Variants in PCSK5 observed in about 807,000 individuals in gnomAD.
PCSK5 encodes the protein proprotein convertase subtilisin/kexin type 5.
Under a neutral mutation model 233.2 loss-of-function variants are expected in PCSK5, and 129 were observed. The observed-to-expected ratio is 0.55, with a 90% CI of 0.48 to 0.64. PCSK5 has a LOEUF of 0.64. PCSK5 is among the 30% of genes least tolerant of loss of function. The pLI is 0.00. For missense variants in PCSK5, 2,076 were observed against 2,430.1 expected, an observed-to-expected ratio of 0.85 and a Z score of 3.06; for synonymous variants, 825 against 879.2, an observed-to-expected ratio of 0.94 and a Z score of 1.09.
intron 10 of PCSK5, among the ~76,000 whole-genome samples, chr9:76,149,255 T>C (rs942453501): frequency 2.0e-5 from 3 of 152,180 alleles, no homozygotes; most frequent in African/African-American, 7.2e-5. Context: ...CAAGGAATAA[T>C]TTTTCTTTGT....
chr9:76,129,203 A>G (rs1160177920), intron 9 of PCSK5, among the ~76,000 whole-genome samples: 1 of 152,156 alleles, frequency 6.6e-6, no homozygotes, highest in Admixed American at 6.5e-5. Flanking sequence ...GCATTGGTAC[A>G]GTGACATTAA....
At chr9:76,009,975 G>A (rs968811661) in intron 3 of PCSK5, among the ~76,000 whole-genome samples, 2 of 151,950 alleles carry the variant, frequency 1.3e-5, no homozygotes, top group Non-Finnish European at 2.9e-5. Context: ...CGCTGCACCA[G>A]GCCTGAAGAA....
At chr9:76,240,469 A>G in intron 23 of PCSK5, 147 bp from the exon 24 acceptor site, 1 of 627,628 alleles carries the variant, frequency 1.6e-6, no homozygotes, top group Non-Finnish European at 2.9e-6. Flanking sequence ...AGTAGAAACC[A>G]CATATATCCT....
intron 2 of PCSK5, among the ~76,000 whole-genome samples, chr9:75,945,097 G>A (rs1311590520): frequency 6.6e-6 from 1 of 151,124 alleles, no homozygotes; most frequent in Non-Finnish European, 1.5e-5. Flanking sequence ...CAACAAGAGC[G>A]AAATTCCATC....
intron 1 of PCSK5, among the ~76,000 whole-genome samples, chr9:75,924,114 G>A (rs773529663): frequency 4.6e-5 from 7 of 152,068 alleles, no homozygotes; most frequent in Middle Eastern, 3.2e-3. Context: ...GTAGACATTT[G>A]GTGGGGAGCA....
At chr9:75,905,622 G>A (rs1421160052) in intron 1 of PCSK5, among the ~76,000 whole-genome samples, 2 of 152,182 alleles carry the variant, frequency 1.3e-5, no homozygotes, top group Non-Finnish European at 2.9e-5. Flanking sequence ...CCAGGCCATG[G>A]ACTGATACGG....
intron 9 of PCSK5, among the ~76,000 whole-genome samples, chr9:76,110,345 A>G (rs1313006579): frequency 6.6e-6 from 1 of 152,176 alleles, no homozygotes; most frequent in Non-Finnish European, 1.5e-5. Context: ...GTCAGGAGAA[A>G]TTTATTGTTT....
intron 1 of PCSK5, among the ~76,000 whole-genome samples, chr9:75,903,848 T>G (rs1826157784): frequency 6.6e-6 from 1 of 151,826 alleles, no homozygotes. Flanking sequence ...CCTATAATTT[T>G]ATAAGCAAAT....
chr9:76,284,763 G>A (rs9314844), intron 24 of PCSK5, among the ~76,000 whole-genome samples: 2 of 152,020 alleles, frequency 1.3e-5, no homozygotes, highest in African/African-American at 4.8e-5. Context: ...AACTCCCGAC[G>A]TCAGGTGATC....
In PCSK5 at chr9:76,359,632, A is replaced by C. The variant is rs1274601866; in HGVS notation, c.*710A>C. The C allele has an allele frequency of 6.6e-6, 1 of 152,216 alleles. No individual in the cohort carries two copies. Among genetic ancestry groups the C allele is most frequent in the Non-Finnish European group, 1.5e-5 (1 of 68,050 alleles). The allele number at this position is 152,216 out of a possible 1,614,324, so 9.4% of individuals were successfully genotyped here. A position where few individuals can be genotyped will look rare whatever the true frequency, so the allele number is the denominator to read the frequency against. On this transcript the variant is annotated 3_prime_UTR_variant, in exon 38 of 38. Transcript: ENST00000674117. ...AGAGTCACAACAATTCTAAAGGCAG[A>C]GCAAGCCCAGCGAGAAAGAAATAAC...
At chr9:76,338,561 C>A in intron 35 of PCSK5, 114 bp downstream of exon 35, 2 of 698,000 alleles carry the variant, frequency 2.9e-6, no homozygotes, top group Non-Finnish European at 4.9e-6. Context: ...GCTTCCCTAC[C>A]TCGTGTGTGA....
Position 76,321,644 on chromosome 9 carries a change from C to T in PCSK5, c.4102+5C>T. On this transcript the variant is annotated splice_donor_5th_base_variant and intron_variant, in intron 31 of 37. Transcript: ENST00000674117. ...TCCATGAGAAAACATGCAAAGGTACCTAGGAGCTTCCCACAGGAGAGCAAG... is the reference window on the plus strand; with the variant it reads ...TCCATGAGAAAACATGCAAAGGTACTTAGGAGCTTCCCACAGGAGAGCAAG... 6.3e-7 allele frequency: 1 copy of T among 1,595,634 alleles called. No homozygotes were observed.
At position 76,071,508 on chromosome 9, in the gene PCSK5, A is replaced by T. The variant is rs902477794; in HGVS notation, c.722-218A>T. 8.5e-5 allele frequency among the ~76,000 whole-genome samples: 13 copies of T among 152,160 alleles called. No individual in the cohort carries two copies. In the East Asian group the frequency reaches 1.9e-3, roughly 23 times the overall value. On this transcript the variant is annotated intron_variant, in intron 6 of 37. Transcript: ENST00000674117. The stretch of plus-strand genomic sequence containing the variant: ...GAACCTTAGAAAAAGAAAATGGATT[A>T]AAAAAATTGAAGTTTTGCTCTTTTA...
At chr9:76,150,753 A>G (rs1241409815) in intron 10 of PCSK5, among the ~76,000 whole-genome samples, 1 of 152,214 alleles carries the variant, frequency 6.6e-6, no homozygotes. Context: ...CATTGCAACT[A>G]TAGTTCTGAA....
intron 5 of PCSK5, among the ~76,000 whole-genome samples, chr9:76,029,244 T>C (rs890856147): frequency 6.6e-6 from 1 of 152,186 alleles, no homozygotes; most frequent in Non-Finnish European, 1.5e-5. Flanking sequence ...GCAGACAGTG[T>C]ACTATAAGGT....
chr9:76,175,337 G>T, intron 14 of PCSK5: 1 of 556,810 alleles, frequency 1.8e-6, no homozygotes, highest in South Asian at 2.6e-5. Context: ...GAATAGAACA[G>T]AACAATCTAC....
intron 20 of PCSK5, chr9:76,193,531 A>AACTT: frequency 1.9e-6 from 1 of 524,608 alleles, no homozygotes; most frequent in East Asian, 3.1e-5. Flanking sequence ...GTTTTGTCAG[A>AACTT]ACTTAAATGG....
chr9:76,210,159 G>T (rs1451912264), intron 20 of PCSK5, among the ~76,000 whole-genome samples: 2 of 152,166 alleles, frequency 1.3e-5, no homozygotes, highest in Non-Finnish European at 2.9e-5. Flanking sequence ...AACGCCAGTG[G>T]TGAAGCAGGA....
chr9:76,240,774 C>A (rs1244926849), intron 24 of PCSK5, 90 bp downstream of exon 24: 2 of 858,840 alleles, frequency 2.3e-6, no homozygotes, highest in Admixed American at 4.0e-5. Flanking sequence ...AGCAGGCACT[C>A]TTGTCATTGC....
Sources: gnomAD v4.1 joint callset for allele counts (sites outside exome capture counted in the v4.1 genomes callset) on GRCh38, gnomAD v4.1.1 for gene constraint, MANE v1.5 for transcripts, NCBI Gene and HGNC (gene_info 2026-07-23, HGNC 2026-07-21) for gene names.